The following IHO1 variants were observed in gnomAD, a reference collection of about 807,000 sequenced individuals.
IHO1 encodes interactor of HORMAD1 1, also known as interactor of HORMAD1 protein 1.
IHO1 carries 13 observed loss-of-function variants against 31.0 expected under a neutral mutation model. The observed-to-expected ratio is 0.42, with a 90% CI of 0.27 to 0.67. The LOEUF (loss-of-function observed/expected upper bound fraction) is 0.67, where lower values mean the gene tolerates loss of function less well. IHO1 is among the 30% of genes least tolerant of loss of function. The probability of loss-of-function intolerance (pLI) is 0.24; values close to 1 mark genes in which losing one functional copy is unlikely to be tolerated. For missense variants in IHO1, 599 were observed against 687.5 expected (o/e 0.87, Z 1.44); for synonymous variants, 221 against 248.4 (o/e 0.89, Z 1.04).
At chr3:49,252,669 G>A (rs1009096433) in intron 6 of IHO1, among the ~76,000 whole-genome samples, 9 of 152,022 alleles carry the variant, frequency 5.9e-5, no homozygotes, top group African/African-American at 1.2e-4. Context: ...CAATCCTCCC[G>A]CCTCAGTGGC....
intron 6 of IHO1, among the ~76,000 whole-genome samples, chr3:49,248,383 C>T (rs1209394841): frequency 1.3e-5 from 2 of 152,004 alleles, no homozygotes; most frequent in African/African-American, 4.8e-5. Context: ...CCTGCCACTG[C>T]ACTCCAGCCT....
chr3:49,238,000 G>T (rs1265107588), intron 3 of IHO1, among the ~76,000 whole-genome samples: 1 of 141,388 alleles, frequency 7.1e-6, no homozygotes, highest in Non-Finnish European at 1.5e-5. Flanking sequence ...CGCCTTCCAG[G>T]TTCAAGTAAT....
chr3:49,211,879 C>T, intron 2 of IHO1, 43 bp downstream of exon 2: 5 of 1,202,802 alleles, frequency 4.2e-6, no homozygotes, highest in Non-Finnish European at 5.0e-6. Context: ...AGAGGATTTT[C>T]TGGCCGGGCA....
intron 2 of IHO1, among the ~76,000 whole-genome samples, chr3:49,213,485 C>T (rs1168740816): frequency 6.6e-6 from 1 of 152,264 alleles, no homozygotes; most frequent in Non-Finnish European, 1.5e-5. Context: ...CCTAGTGGAT[C>T]CTGCACTGGG....
chr3:49,226,242 G>T (rs1008564775), intron 2 of IHO1, among the ~76,000 whole-genome samples: 4 of 151,842 alleles, frequency 2.6e-5, no homozygotes, highest in African/African-American at 4.8e-5. Flanking sequence ...TCCCTACACC[G>T]AGGTAGCCAG....
At chr3:49,228,452 T>G in intron 2 of IHO1, 1 of 360,180 alleles carries the variant, frequency 2.8e-6, no homozygotes, top group South Asian at 2.1e-5. Context: ...AGCCCCTGAA[T>G]TCTAAGGAAA....
intron 2 of IHO1, among the ~76,000 whole-genome samples, chr3:49,215,091 C>T (rs2046272039): frequency 6.6e-6 from 1 of 151,114 alleles, no homozygotes; most frequent in Non-Finnish European, 1.5e-5. Context: ...CACTCTGTTG[C>T]CCAGGCTGGA....
intron 2 of IHO1, among the ~76,000 whole-genome samples, chr3:49,218,217 A>G (rs1252552755): frequency 1.3e-5 from 2 of 151,648 alleles, no homozygotes; most frequent in Admixed American, 6.6e-5. Flanking sequence ...GCTGAGGTGT[A>G]TCCTGGTTCC....
chr3:49,211,517 T>G (rs1376390514), intron 1 of IHO1, among the ~76,000 whole-genome samples: 1 of 151,788 alleles, frequency 6.6e-6, no homozygotes, highest in Non-Finnish European at 1.5e-5. Flanking sequence ...GTGCTTGTAA[T>G]CCCAGCTACT....
rs1271374151 is a variant in IHO1 at position 49,236,459 on chromosome 3, A to G, written c.57-89A>G. The G allele has an allele frequency of 3.1e-6, 3 of 972,252 alleles. No homozygotes were observed. The African/African-American group carries it at 4.8e-5, about 16-fold the overall frequency. 60.2% of individuals were successfully genotyped at this position (972,252 alleles called of 1,614,324 possible). On this transcript the variant is annotated intron_variant, in intron 2 of 7. Transcript: ENST00000452691. Reference sequence around the variant, plus strand: ...TCAGAACAAGCTATCATTCTGCCCAAAATGTTCTGAAATGGACAGCTGTGA... The same window carrying G: ...TCAGAACAAGCTATCATTCTGCCCAGAATGTTCTGAAATGGACAGCTGTGA...
upstream of IHO1, among the ~76,000 whole-genome samples, chr3:49,196,511 C>T (rs2045997385): frequency 7.2e-6 from 1 of 139,342 alleles, no homozygotes; most frequent in Non-Finnish European, 1.6e-5. Flanking sequence ...GAGGTGAAGT[C>T]TTGCTCTGTC....
intron 2 of IHO1, among the ~76,000 whole-genome samples, chr3:49,231,914 A>G (rs1356603385): frequency 6.6e-6 from 1 of 152,252 alleles, no homozygotes; most frequent in Non-Finnish European, 1.5e-5. Flanking sequence ...TACAGGAGGA[A>G]TTAATCCTCA....
chr3:49,230,326 C>T (rs953733769), intron 2 of IHO1, among the ~76,000 whole-genome samples: 1 of 152,204 alleles, frequency 6.6e-6, no homozygotes, highest in African/African-American at 2.4e-5. Context: ...GGATTGCCTT[C>T]TCCTGCTATG....
chr3:49,256,432 C>A lies in IHO1; in HGVS notation c.935C>A (p.Ser312Tyr). The A allele has an allele frequency of 6.2e-7, 1 of 1,614,120 alleles. No individual in the cohort carries two copies. The highest frequency in any genetic ancestry group is 1.1e-5 in the South Asian group (1 of 91,084). Residue 312 changes from serine (S) to tyrosine (Y), a missense_variant, in exon 8 of 8, where the codon TCC becomes TAC. Transcript: ENST00000452691. This position sits in a 1 kb window ranked among gnomAD's most constrained non-coding sequence, Gnocchi z 4.6. Reference sequence around the variant, plus strand: ...GCTGCATGGAATCCTGGTATGGGCTCCCTACAGCCTGGAGAATTTGATGTC... The same window carrying A: ...GCTGCATGGAATCCTGGTATGGGCTACCTACAGCCTGGAGAATTTGATGTC... ...LPAAWNPGMG[S>Y]LQPGEFDVWG...
In IHO1 at chr3:49,256,354, A is replaced by G. The variant is rs757780529; in HGVS notation, c.857A>G (p.Gln286Arg). Residue 286 changes from glutamine to arginine, a missense_variant, in exon 8 of 8, where the codon CAG (glutamine) becomes CGG (arginine). Physicochemically the swap from Gln to Arg is conservative, Grantham distance 43. Coordinates refer to ENST00000452691, the MANE Select transcript of IHO1 (RefSeq NM_001135197.2). This position sits in a 1 kb window ranked among gnomAD's most constrained non-coding sequence, Gnocchi z 4.6. ...PLAQSLNLTR[Q>R]EKYTSEKPVL... ...GCCCAGAGCCTCAATCTCACCAGGC[A>G]GGAAAAATACACCTCTGAGAAACCA... 6.2e-7 allele frequency: 1 copy of G among 1,614,214 alleles called. No homozygotes were observed. Among genetic ancestry groups the G allele is most frequent in the Non-Finnish European group, 8.5e-7 (1 of 1,180,044 alleles).
intron 2 of IHO1, among the ~76,000 whole-genome samples, chr3:49,217,378 T>G (rs919188190): frequency 2.6e-5 from 4 of 151,474 alleles, no homozygotes; most frequent in African/African-American, 9.7e-5. Context: ...CTAAGCAAAC[T>G]ATCACAAGGA....
upstream of IHO1, among the ~76,000 whole-genome samples, chr3:49,197,359 G>C (rs2046005486): frequency 6.6e-6 from 1 of 151,062 alleles, no homozygotes; most frequent in African/African-American, 2.4e-5. Context: ...GCAGTGGCAT[G>C]ATCATGGCTC....
chr3:49,210,025 C>CTT (rs1234337195), intron 1 of IHO1, among the ~76,000 whole-genome samples: 9 of 146,794 alleles, frequency 6.1e-5, no homozygotes, highest in African/African-American at 2.3e-4. Flanking sequence ...CTCTTTCTTT[C>CTT]TTTCTTTTTT....
In IHO1 at chr3:49,216,509, G is replaced by T. The variant is rs149889874; in HGVS notation, c.56+4673G>T. Among the ~76,000 whole-genome samples the T allele has an allele frequency of 1.8e-3, 280 of 152,182 alleles. 6 individuals are homozygous for T. Among genetic ancestry groups the T allele is most frequent in the Middle Eastern group, 6.8e-3 (2 of 294 alleles). The stretch of plus-strand genomic sequence containing the variant: ...CCCGGGAGGCTGAGGGACGAGAATT[G>T]CTTAAATGTAAGGCCTAACACCATA... On this transcript the variant is annotated intron_variant, in intron 2 of 7. Transcript: ENST00000452691.
Sources: gnomAD v4.1 joint callset for allele counts (sites outside exome capture counted in the v4.1 genomes callset) on GRCh38, gnomAD v4.1.1 for gene constraint, Gnocchi (gnomAD v3.1) non-coding constraint, MANE v1.5 for transcripts, NCBI Gene and HGNC (gene_info 2026-07-23, HGNC 2026-07-21) for gene names.